Variants in PGM5 observed in about 807,000 individuals in gnomAD.
The protein encoded by PGM5 is phosphoglucomutase-like protein 5.
PGM5 carries 23 observed loss-of-function variants against 59.2 expected under a neutral mutation model. That is an observed-to-expected ratio of 0.39 (90% CI 0.28 to 0.55). PGM5 has a LOEUF of 0.55. Among genes scored for constraint, PGM5 ranks in the 20% least tolerant of loss-of-function variants. The pLI is 0.66. For synonymous variants in PGM5, 214 were observed against 286.0 expected, an observed-to-expected ratio of 0.75 and a Z score of 2.54; for missense variants, 574 against 748.3, an observed-to-expected ratio of 0.77 and a Z score of 2.72.
intron 7 of PGM5, among the ~76,000 whole-genome samples, chr9:68,465,609 C>T (rs989075204): frequency 2.0e-5 from 3 of 152,080 alleles, no homozygotes; most frequent in East Asian, 1.9e-4. Flanking sequence ...TTGTTTTATC[C>T]GTAAGCATTT....
chr9:68,501,239 A>T (rs1824568936), intron 10 of PGM5, among the ~76,000 whole-genome samples: 1 of 152,182 alleles, frequency 6.6e-6, no homozygotes, highest in South Asian at 2.1e-4. Context: ...GTAGCACATG[A>T]TCTAGCTAAA....
In PGM5 at chr9:68,516,901, C is replaced by T. The variant is rs148529450; in HGVS notation, c.1615-12666C>T. 8.0e-3 allele frequency among the ~76,000 whole-genome samples: 1,220 copies of T among 152,040 alleles called. 13 individuals are homozygous for T. Among genetic ancestry groups the T allele is most frequent in the African/African-American group, 0.028 (1,162 of 41,446 alleles). ...TGTTTTTTGTTTTGAGACAGAGTTT[C>T]GCTCTTGTTGCCCAGGCTGGAGTGC... On this transcript the variant is annotated intron_variant, in intron 10 of 10. Coordinates refer to ENST00000396396, the MANE Select transcript of PGM5 (RefSeq NM_021965.4).
chr9:68,516,770 G>T (rs928457524), intron 10 of PGM5, among the ~76,000 whole-genome samples: 4 of 152,232 alleles, frequency 2.6e-5, no homozygotes, highest in African/African-American at 4.8e-5. Context: ...CCACCACACA[G>T]CTGCTTTGCC....
intron 9 of PGM5, among the ~76,000 whole-genome samples, chr9:68,487,458 G>GCACA (rs1267176956): frequency 2.2e-5 from 2 of 90,672 alleles, no homozygotes; most frequent in African/African-American, 5.6e-5. Flanking sequence ...TGTGTCACAC[G>GCACA]CACATACACA....
intron 7 of PGM5, among the ~76,000 whole-genome samples, chr9:68,472,658 A>G (rs1433472737): frequency 1.3e-5 from 2 of 152,224 alleles, no homozygotes; most frequent in Non-Finnish European, 2.9e-5. Context: ...GCATTCATTT[A>G]TTCATTCAGT....
intron 1 of PGM5, among the ~76,000 whole-genome samples, chr9:68,365,036 T>C (rs531950800): frequency 3.9e-5 from 6 of 152,340 alleles, no homozygotes; most frequent in African/African-American, 1.4e-4. Context: ...TTGAGCCTTT[T>C]GTGAACTCTG....
rs782689758 is a variant in PGM5, at chr9:68,479,577, T to G, written c.1295+24T>G. On this transcript the variant is annotated intron_variant, in intron 8 of 10. Coordinates refer to ENST00000396396, the MANE Select transcript of PGM5 (RefSeq NM_021965.4). ...AGGTGAGGAGAAGGGGAAGGGTCTC[T>G]GTATGGACCCTGAAGAACTACTCCT... 2.5e-6 allele frequency: 4 copies of G among 1,610,676 alleles called. No individual in the cohort carries two copies. The Admixed American group carries it at 6.7e-5, about 27-fold the overall frequency.
intron 7 of PGM5, among the ~76,000 whole-genome samples, chr9:68,478,487 A>C (rs1824140555): frequency 6.6e-6 from 1 of 152,204 alleles, no homozygotes; most frequent in Non-Finnish European, 1.5e-5. Context: ...TGTCATAACA[A>C]ATCACCACCA....
intron 6 of PGM5, chr9:68,406,399 G>C (rs1587797041): frequency 6.7e-6 from 1 of 150,274 alleles, no homozygotes; most frequent in Non-Finnish European, 1.5e-5. Flanking sequence ...AGCACAGGGG[G>C]TGAGGGGGCT....
chr9:68,447,189 C>G (rs542522944), intron 6 of PGM5, among the ~76,000 whole-genome samples: 7 of 152,200 alleles, frequency 4.6e-5, no homozygotes, highest in African/African-American at 1.7e-4. Context: ...GGATCATGCT[C>G]ACTGCCAAAT....
At chr9:68,523,664 C>CT (rs1824930547) in intron 10 of PGM5, among the ~76,000 whole-genome samples, 1 of 152,078 alleles carries the variant, frequency 6.6e-6, no homozygotes, top group Non-Finnish European at 1.5e-5. Context: ...GTTGGATGAC[C>CT]TACCTGCATT....
chr9:68,472,504 G>T (rs1679382073), intron 7 of PGM5, among the ~76,000 whole-genome samples: 1 of 152,162 alleles, frequency 6.6e-6, no homozygotes, highest in South Asian at 2.1e-4. Flanking sequence ...GCTTCTCTGT[G>T]ACTCAATTTC....
intron 6 of PGM5, among the ~76,000 whole-genome samples, chr9:68,441,275 C>T (rs990224095): frequency 3.3e-5 from 5 of 151,984 alleles, no homozygotes; most frequent in Admixed American, 6.5e-5. Flanking sequence ...ATCCCCAACA[C>T]ATTTTATGAG....
intron 10 of PGM5, among the ~76,000 whole-genome samples, chr9:68,512,645 C>A (rs1433909848): frequency 6.6e-6 from 1 of 152,172 alleles, no homozygotes; most frequent in African/African-American, 2.4e-5. Context: ...GGACACCAGT[C>A]ATATTGGATT....
intron 10 of PGM5, among the ~76,000 whole-genome samples, chr9:68,519,119 G>A (rs769082698): frequency 3.9e-5 from 6 of 152,032 alleles, no homozygotes; most frequent in South Asian, 2.1e-4. Flanking sequence ...AAATGAAAGC[G>A]AAATAAACAC....
chr9:68,471,172 C>A (rs1265418467), intron 7 of PGM5, among the ~76,000 whole-genome samples: 2 of 152,174 alleles, frequency 1.3e-5, no homozygotes, highest in African/African-American at 4.8e-5. Context: ...GCTTCTGAAA[C>A]CACATCTGTA....
chr9:68,466,054 C>A (rs1823928950), intron 7 of PGM5: 2 of 880,808 alleles, frequency 2.3e-6, no homozygotes, highest in Middle Eastern at 2.7e-4. Context: ...TGTCTCTTGT[C>A]CTTCTGAGGC....
At chr9:68,503,231 C>T (rs1824606237) in intron 10 of PGM5, among the ~76,000 whole-genome samples, 1 of 152,202 alleles carries the variant, frequency 6.6e-6, no homozygotes, top group Non-Finnish European at 1.5e-5. Context: ...AACAGGGTTA[C>T]ACCCCAATAA....
At chr9:68,497,595 A>G (rs1444071700) in intron 9 of PGM5, 1 of 152,266 alleles carries the variant, frequency 6.6e-6, no homozygotes, top group Non-Finnish European at 1.5e-5. Flanking sequence ...AAATAATTGC[A>G]GTCACATATG....
Sources: gnomAD v4.1 joint callset for allele counts (sites outside exome capture counted in the v4.1 genomes callset) on GRCh38, gnomAD v4.1.1 for gene constraint, MANE v1.5 for transcripts, NCBI Gene and HGNC (gene_info 2026-07-23, HGNC 2026-07-21) for gene names.